FGF14: variants seen among roughly 807,000 people sequenced by gnomAD.
FGF14 encodes the protein fibroblast growth factor homologous factor 4.
A neutral mutation model predicts 25.5 loss-of-function variants in FGF14; 5 were observed. The ratio of observed to expected loss-of-function variants is 0.20; its 90% confidence interval spans 0.10 to 0.41. The LOEUF (loss-of-function observed/expected upper bound fraction) is 0.41, where lower values mean the gene tolerates loss of function less well. Among genes scored for constraint, FGF14 ranks in the 10% least tolerant of loss-of-function variants. FGF14 has a pLI of 1.00. For synonymous variants in FGF14, 138 were observed against 118.3 expected, an observed-to-expected ratio of 1.17 and a Z score of -1.08; for missense variants, 222 against 320.1, an observed-to-expected ratio of 0.69 and a Z score of 2.34.
chr13:102,304,706 G>A (rs1594792648), intron 1 of FGF14, among the ~76,000 whole-genome samples: 1 of 152,128 alleles, frequency 6.6e-6, no homozygotes, highest in East Asian at 1.9e-4. Flanking sequence ...CATGTCATGA[G>A]GACACAAAAG....
chr13:101,764,304 T>A (rs2038241415), intron 3 of FGF14, among the ~76,000 whole-genome samples: 1 of 152,206 alleles, frequency 6.6e-6, no homozygotes, highest in Non-Finnish European at 1.5e-5. Context: ...AATTTCAGCA[T>A]CTGCTCCTAC....
At chr13:102,225,279 AC>A (rs1374223325) in intron 1 of FGF14, among the ~76,000 whole-genome samples, 3 of 151,752 alleles carry the variant, frequency 2.0e-5, no homozygotes, top group African/African-American at 7.3e-5. Flanking sequence ...TCTTTCTTCA[AC>A]CCTGACTTTC....
chr13:102,157,267 G>A (rs923134174), intron 1 of FGF14, among the ~76,000 whole-genome samples: 4 of 152,128 alleles, frequency 2.6e-5, no homozygotes, highest in Non-Finnish European at 4.4e-5. Context: ...ATACTACAAC[G>A]CTACAGTAAC....
chr13:102,278,716 CCT>C (rs2053674873), intron 1 of FGF14, among the ~76,000 whole-genome samples: 1 of 151,466 alleles, frequency 6.6e-6, no homozygotes, highest in South Asian at 2.1e-4. Flanking sequence ...CTGAAAAATC[CCT>C]CTCTGCTATC....
chr13:101,939,774 A>G (rs1566466810), intron 1 of FGF14, among the ~76,000 whole-genome samples: 1 of 152,222 alleles, frequency 6.6e-6, no homozygotes, highest in Admixed American at 6.5e-5. Flanking sequence ...CATTCTTTGT[A>G]TTTAATCTAG....
At chr13:102,194,882 C>T (rs999861583) in intron 1 of FGF14, among the ~76,000 whole-genome samples, 1 of 152,158 alleles carries the variant, frequency 6.6e-6, no homozygotes, top group Middle Eastern at 3.4e-3. Context: ...TGGCTCATCA[C>T]ATACAGGGGT....
At chr13:102,120,739 T>C (rs1272303982) in intron 1 of FGF14, among the ~76,000 whole-genome samples, 3 of 148,964 alleles carry the variant, frequency 2.0e-5, no homozygotes, top group African/African-American at 7.5e-5. Flanking sequence ...AGTCTCCTTT[T>C]GCCGCCCAGG....
chr13:102,021,295 C>T (rs1168278796), intron 1 of FGF14, among the ~76,000 whole-genome samples: 1 of 151,976 alleles, frequency 6.6e-6, no homozygotes, highest in Non-Finnish European at 1.5e-5. Flanking sequence ...ATTCTTGAAA[C>T]ATTCTACTTA....
chr13:102,280,947 G>T (rs529841535), intron 1 of FGF14, among the ~76,000 whole-genome samples: 2 of 152,302 alleles, frequency 1.3e-5, no homozygotes, highest in East Asian at 3.9e-4. Flanking sequence ...GTTCCATGAA[G>T]GGATAGATAC....
At chr13:102,345,566 T>C (rs939577946) in intron 1 of FGF14, among the ~76,000 whole-genome samples, 6 of 152,254 alleles carry the variant, frequency 3.9e-5, no homozygotes, top group Admixed American at 2.0e-4. Context: ...GCTTGTCTCA[T>C]ATGTATATGT....
At chr13:101,943,530 A>G (rs539104941) in intron 1 of FGF14, among the ~76,000 whole-genome samples, 1 of 152,342 alleles carries the variant, frequency 6.6e-6, no homozygotes, top group Non-Finnish European at 1.5e-5. Flanking sequence ...ACAAAGTATT[A>G]TCCAGGTCTA....
intron 1 of FGF14, among the ~76,000 whole-genome samples, chr13:102,151,134 A>G (rs1482320283): frequency 6.6e-6 from 1 of 152,200 alleles, no homozygotes; most frequent in Non-Finnish European, 1.5e-5. Context: ...GGAAAACTTC[A>G]TTGTGTTTGA....
chr13:102,025,714 T>C (rs1396211263), intron 1 of FGF14, among the ~76,000 whole-genome samples: 1 of 152,074 alleles, frequency 6.6e-6, no homozygotes, highest in African/African-American at 2.4e-5. Flanking sequence ...CAGACAGTAT[T>C]GTACTTCTTT....
At chr13:101,979,250 T>G (rs1222528378) in intron 1 of FGF14, among the ~76,000 whole-genome samples, 1 of 152,172 alleles carries the variant, frequency 6.6e-6, no homozygotes, top group East Asian at 1.9e-4. Context: ...TTATGAAAAT[T>G]AAATAGGTTG....
rs528982282 is a variant in FGF14, at chr13:102,260,246, T to C, written c.208+141225A>G. 2.0e-5 allele frequency among the ~76,000 whole-genome samples: 3 copies of C among 152,362 alleles called. No individual in the cohort carries two copies. In the East Asian group the frequency reaches 5.8e-4, roughly 29 times the overall value. Reference sequence around the variant, plus strand: ...GTTAACTGGTACTCAAATTCTCAGATATTTATATCTAAAGTTAAAACTAAA... The same window carrying C: ...GTTAACTGGTACTCAAATTCTCAGACATTTATATCTAAAGTTAAAACTAAA... On this transcript the variant is annotated intron_variant, in intron 1 of 4. Coordinates refer to the FGF14 transcript ENST00000376131.
chr13:101,725,263 T>C (rs2035335941), intron 4 of FGF14, among the ~76,000 whole-genome samples: 1 of 152,036 alleles, frequency 6.6e-6, no homozygotes, highest in African/African-American at 2.4e-5. Context: ...ACAATGAAAG[T>C]GTATCATGGA....
chr13:102,033,464 A>T (rs2041313605), intron 1 of FGF14, among the ~76,000 whole-genome samples: 2 of 151,852 alleles, frequency 1.3e-5, no homozygotes. Flanking sequence ...GACCCATTCA[A>T]ATCAATATTT....
At chr13:102,022,142 A>G (rs1248308645) in intron 1 of FGF14, among the ~76,000 whole-genome samples, 1 of 151,890 alleles carries the variant, frequency 6.6e-6, no homozygotes, top group Non-Finnish European at 1.5e-5. Flanking sequence ...CCCTTACTCA[A>G]TGGCCTTACT....
At chr13:101,921,743 C>T (rs1484235905), upstream of FGF14, among the ~76,000 whole-genome samples, 2 of 152,178 alleles carry the variant, frequency 1.3e-5, no homozygotes, top group African/African-American at 2.4e-5. Context: ...CTCTATTCAT[C>T]TCCCTTCACT....
Sources: gnomAD v4.1 joint callset for allele counts (sites outside exome capture counted in the v4.1 genomes callset) on GRCh38, gnomAD v4.1.1 for gene constraint, MANE v1.5 for transcripts, NCBI Gene and HGNC (gene_info 2026-07-23, HGNC 2026-07-21) for gene names.